PRKN: variants seen among roughly 807,000 people sequenced by gnomAD.
PRKN encodes E3 ubiquitin-protein ligase parkin.
Under a neutral mutation model 59.5 loss-of-function variants are expected in PRKN, and 56 were observed. The ratio of observed to expected loss-of-function variants is 0.94; its 90% CI spans 0.76 to 1.18. The LOEUF (loss-of-function observed/expected upper bound fraction) is 1.18. PRKN is among the 50% of genes most tolerant of loss of function. The pLI, the probability that PRKN is intolerant of heterozygous loss-of-function variation, is 0.00. For synonymous variants in PRKN, 250 were observed against 222.1 expected (o/e 1.13, Z -1.12); for missense variants, 657 against 596.4 (o/e 1.10, Z -1.06).
At chr6:161,647,164 T>G (rs564996096) in intron 7 of PRKN, among the ~76,000 whole-genome samples, 2 of 152,242 alleles carry the variant, frequency 1.3e-5, no homozygotes, top group Admixed American at 1.3e-4. Context: ...TAACCCAGAG[T>G]GATTCACCGA....
chr6:161,868,634 C>G (rs1241133624), intron 6 of PRKN, among the ~76,000 whole-genome samples: 1 of 152,116 alleles, frequency 6.6e-6, no homozygotes, highest in Non-Finnish European at 1.5e-5. Context: ...TTAATTTGTC[C>G]TTAAAGCACA....
intron 2 of PRKN, among the ~76,000 whole-genome samples, chr6:162,381,005 A>G (rs1366370508): frequency 6.6e-6 from 1 of 152,108 alleles, no homozygotes; most frequent in African/African-American, 2.4e-5. Flanking sequence ...ATTCAGCCAG[A>G]CTTAGAGCAG....
At chr6:162,145,553 G>C (rs1371672935) in intron 4 of PRKN, among the ~76,000 whole-genome samples, 1 of 152,146 alleles carries the variant, frequency 6.6e-6, no homozygotes, top group Non-Finnish European at 1.5e-5. Flanking sequence ...GCACAGCAAA[G>C]CAAGGAACAA....
At chr6:162,671,693 T>C (rs1211578554) in intron 1 of PRKN, among the ~76,000 whole-genome samples, 3 of 151,756 alleles carry the variant, frequency 2.0e-5, no homozygotes, top group Non-Finnish European at 4.4e-5. Flanking sequence ...TGTGTACTTC[T>C]CACTAGTAGG....
At chr6:161,412,995 G>C (rs1489721176) in intron 9 of PRKN, among the ~76,000 whole-genome samples, 1 of 152,230 alleles carries the variant, frequency 6.6e-6, no homozygotes, top group East Asian at 1.9e-4. Context: ...ACAGTAATCA[G>C]AGACAGGCTC....
intron 3 of PRKN, among the ~76,000 whole-genome samples, chr6:162,246,485 G>T (rs962533575): frequency 1.1e-4 from 17 of 152,110 alleles, no homozygotes; most frequent in African/African-American, 3.6e-4. Context: ...AAAATTCACA[G>T]AAAATAAAGC....
intron 7 of PRKN, among the ~76,000 whole-genome samples, chr6:161,708,461 GA>G (rs67537331): frequency 0.062 from 7,736 of 124,656 alleles, 244 homozygotes; most frequent in African/African-American, 0.1. Context: ...GTTGATTTCA[GA>G]AAAAAAAAAA....
At chr6:162,569,453 A>T in intron 1 of PRKN, 1 of 687,890 alleles carries the variant, frequency 1.5e-6, no homozygotes. Flanking sequence ...CACCTACAGG[A>T]AGCTGCTGGA....
At chr6:162,102,336 C>T (rs1266898473) in intron 4 of PRKN, among the ~76,000 whole-genome samples, 2 of 152,114 alleles carry the variant, frequency 1.3e-5, no homozygotes, top group African/African-American at 4.8e-5. Flanking sequence ...AAGACTATGC[C>T]TTGCATTTAG....
chr6:161,421,868 G>T (rs1788123018), intron 9 of PRKN, among the ~76,000 whole-genome samples: 1 of 152,128 alleles, frequency 6.6e-6, no homozygotes. Flanking sequence ...TGGTGTTGAA[G>T]AAATTCTTGG....
intron 6 of PRKN, among the ~76,000 whole-genome samples, chr6:161,876,598 C>A (rs1221447146): frequency 6.6e-6 from 1 of 152,166 alleles, no homozygotes; most frequent in African/African-American, 2.4e-5. Flanking sequence ...CAGGCGTGAG[C>A]CACCATGCCC....
rs73590346 is a variant in PRKN at position 162,051,608 on chromosome 6, A to C, written c.618+2483T>G. Among the ~76,000 whole-genome samples the C allele has an allele frequency of 4.1e-3, 624 of 152,262 alleles. 6 individuals are homozygous for C. Among genetic ancestry groups the C allele is most frequent in the African/African-American group, 0.013 (544 of 41,558 alleles). ...CCCCATGTCCAGAGCACCCATGCCA[A>C]GGGCCACAGAGTTGTGAGGCCTTCG... On this transcript the variant is annotated intron_variant, in intron 5 of 11. Transcript: ENST00000366898.
At position 161,875,572 on chromosome 6, in the gene PRKN, C is replaced by T. The variant is rs761394042; in HGVS notation, c.735-89664G>A. On this transcript the variant is annotated intron_variant, in intron 6 of 11. Coordinates refer to ENST00000366898, the MANE Select transcript of PRKN (RefSeq NM_004562.3). Reference sequence around the variant, plus strand: ...GGGCTAGGAGCTCTGCTCAACACTGCGGCTATGGCAATAAGAGGTATCATG... The same window carrying T: ...GGGCTAGGAGCTCTGCTCAACACTGTGGCTATGGCAATAAGAGGTATCATG... Among the ~76,000 whole-genome samples, 7 of 152,156 alleles carry T rather than the reference C, an allele frequency of 4.6e-5. No homozygotes were observed. In the Middle Eastern group the frequency reaches 0.01, roughly 222 times the overall value.
intron 1 of PRKN, among the ~76,000 whole-genome samples, chr6:162,579,528 T>C (rs1264558511): frequency 1.3e-5 from 2 of 151,018 alleles, no homozygotes; most frequent in African/African-American, 4.9e-5. Flanking sequence ...TTCACACAGA[T>C]TCTCATACAC....
intron 7 of PRKN, among the ~76,000 whole-genome samples, chr6:161,642,959 T>C (rs919715650): frequency 6.6e-6 from 1 of 152,254 alleles, no homozygotes; most frequent in African/African-American, 2.4e-5. Context: ...ATCATTCTTT[T>C]AAATCAGTCT....
In PRKN at chr6:161,545,761, C is replaced by G. The variant is rs1036324996; in HGVS notation, c.1083+3093G>C. On this transcript the variant is annotated intron_variant, in intron 9 of 11. Coordinates refer to ENST00000366898, the MANE Select transcript of PRKN (RefSeq NM_004562.3). This position sits in a 1 kb window ranked among gnomAD's most constrained non-coding sequence, Gnocchi z 4.1. ...TTTAGATTTTCTAGCAGTCAACTGT[C>G]AGAGGAAAACCTTATCAGCTGGTTT... Among the ~76,000 whole-genome samples the G allele has an allele frequency of 6.6e-6, 1 of 152,182 alleles. No individual in the cohort carries two copies. The highest frequency in any genetic ancestry group is 1.5e-5 in the Non-Finnish European group (1 of 68,034).
In PRKN at chr6:162,035,688, A is replaced by T. The variant is rs557853014; in HGVS notation, c.618+18403T>A. Among the ~76,000 whole-genome samples the T allele has an allele frequency of 1.9e-3, 290 of 152,316 alleles. 2 individuals are homozygous for T. The highest frequency in any genetic ancestry group is 6.9e-3 in the African/African-American group (286 of 41,580). On this transcript the variant is annotated intron_variant, in intron 5 of 11. Transcript: ENST00000366898. ...TGTATTAAATGTTAGAGGGATCAAAATAATACAGTTTTCAGGGCAGAATGA... is the reference window on the plus strand; with the variant it reads ...TGTATTAAATGTTAGAGGGATCAAATTAATACAGTTTTCAGGGCAGAATGA...
At chr6:161,953,204 C>T (rs1474613171) in intron 6 of PRKN, among the ~76,000 whole-genome samples, 3 of 152,090 alleles carry the variant, frequency 2.0e-5, no homozygotes, top group Admixed American at 6.6e-5. Context: ...CTCCACCTCC[C>T]GGGTTCAAGT....
At chr6:162,278,733 G>T (rs796927320) in intron 2 of PRKN, among the ~76,000 whole-genome samples, 4 of 152,094 alleles carry the variant, frequency 2.6e-5, no homozygotes, top group African/African-American at 9.7e-5. Flanking sequence ...CATTACAGCG[G>T]CTACACAGAA....
Sources: gnomAD v4.1 joint callset for allele counts (sites outside exome capture counted in the v4.1 genomes callset) on GRCh38, gnomAD v4.1.1 for gene constraint, Gnocchi (gnomAD v3.1) non-coding constraint, MANE v1.5 for transcripts, NCBI Gene and HGNC (gene_info 2026-07-23, HGNC 2026-07-21) for gene names.